PPFIBP1: variants seen among roughly 807,000 people sequenced by gnomAD.
PPFIBP1 encodes PPFIB scaffold protein 1.
A neutral mutation model predicts 137.8 loss-of-function variants in PPFIBP1; 112 were observed. That is an observed-to-expected ratio of 0.81 (90% CI 0.70 to 0.95). The LOEUF (loss-of-function observed/expected upper bound fraction) is 0.95. PPFIBP1 is among the 40% of genes least tolerant of loss of function. The pLI, the probability that PPFIBP1 is intolerant of heterozygous loss-of-function variation, is 0.00. For synonymous variants in PPFIBP1, 378 were observed against 417.3 expected, an observed-to-expected ratio of 0.91 and a Z score of 1.15; for missense variants, 1,083 against 1,196.6, an observed-to-expected ratio of 0.91 and a Z score of 1.40.
In PPFIBP1 at chr12:27,688,466, T is replaced by A. The variant is rs370576962; in HGVS notation, c.2496+43T>A. The A allele has an allele frequency of 1.7e-5, 28 of 1,607,208 alleles. No homozygotes were observed. The African/African-American group carries it at 3.6e-4, about 21-fold the overall frequency. On this transcript the variant is annotated intron_variant, in intron 26 of 29. Coordinates refer to ENST00000228425, the MANE Select transcript of PPFIBP1 (RefSeq NM_003622.4). ...TTTAAAATTGACTTACTTTGCTTCC[T>A]TTAGTCTAGTCAGTAGGATATTATC...
intron 2 of PPFIBP1, among the ~76,000 whole-genome samples, chr12:27,621,448 G>A (rs1346530909): frequency 6.6e-6 from 1 of 152,186 alleles, no homozygotes; most frequent in Non-Finnish European, 1.5e-5. Flanking sequence ...TTACCCCTTA[G>A]TATTTGGCTC....
chr12:27,681,841 GCTT>G (rs1477468453), intron 22 of PPFIBP1, 145 bp downstream of exon 22: 2 of 862,008 alleles, frequency 2.3e-6, no homozygotes, highest in Non-Finnish European at 3.4e-6. Context: ...ATTGCTTCAT[GCTT>G]CTTTTTTCTG....
At chr12:27,541,483 G>C (rs1172525111) in intron 1 of PPFIBP1, among the ~76,000 whole-genome samples, 2 of 152,148 alleles carry the variant, frequency 1.3e-5, no homozygotes. Context: ...CATGTGTTGA[G>C]TCTGTGAGAA....
At chr12:27,593,305 CG>C in intron 2 of PPFIBP1, 1 of 358,354 alleles carries the variant, frequency 2.8e-6, no homozygotes, top group Non-Finnish European at 5.4e-6. Flanking sequence ...GGTATCACTT[CG>C]GGCCCCTTGG....
intron 2 of PPFIBP1, among the ~76,000 whole-genome samples, chr12:27,597,353 A>C (rs959644316): frequency 3.3e-5 from 5 of 152,060 alleles, no homozygotes; most frequent in Admixed American, 3.3e-4. Context: ...ACGGGGTTTC[A>C]CCATGTTGGT....
rs78718277 is a variant in PPFIBP1, at chr12:27,626,438, C to G, written c.-35-6924C>G. 2.0e-5 allele frequency among the ~76,000 whole-genome samples: 3 copies of G among 152,142 alleles called. No individual in the cohort carries two copies. The South Asian group carries it at 6.2e-4, about 31-fold the overall frequency. On this transcript the variant is annotated intron_variant, in intron 2 of 29. Transcript: ENST00000228425. ...TGTTGTCCCAAGGAGGAAAGACAGGCCTCAGTGTGTGTGAGTCTAGTGATT... is the reference window on the plus strand; with the variant it reads ...TGTTGTCCCAAGGAGGAAAGACAGGGCTCAGTGTGTGTGAGTCTAGTGATT...
intron 1 of PPFIBP1, among the ~76,000 whole-genome samples, chr12:27,552,290 G>T (rs1293176426): frequency 1.3e-5 from 2 of 152,196 alleles, no homozygotes; most frequent in African/African-American, 4.8e-5. Context: ...TTGGAATAGA[G>T]AAATTTATTG....
intron 7 of PPFIBP1, among the ~76,000 whole-genome samples, chr12:27,650,495 A>AG (rs2058813256): frequency 6.6e-6 from 1 of 152,184 alleles, no homozygotes; most frequent in Non-Finnish European, 1.5e-5. Context: ...TTTCACTAGT[A>AG]GTTATTATTT....
chr12:27,595,455 G>A (rs965702403), intron 2 of PPFIBP1, among the ~76,000 whole-genome samples: 3 of 152,146 alleles, frequency 2.0e-5, no homozygotes, highest in Non-Finnish European at 4.4e-5. Context: ...GAGACTGTTG[G>A]TTACCATGGC....
chr12:27,692,486 T>G, intron 28 of PPFIBP1, 105 bp from the exon 29 acceptor site: 1 of 1,012,812 alleles, frequency 9.9e-7, no homozygotes. Context: ...TCTTACCCCA[T>G]TCAGTGCTAT....
At chr12:27,618,734 C>G (rs1405154897) in intron 2 of PPFIBP1, among the ~76,000 whole-genome samples, 1 of 152,240 alleles carries the variant, frequency 6.6e-6, no homozygotes. Context: ...CACATGTTCT[C>G]AGGATCTCCT....
At chr12:27,649,944 T>G (rs1242087909) in intron 6 of PPFIBP1, 66 bp from the exon 7 acceptor site, 42 of 1,438,922 alleles carry the variant, frequency 2.9e-5, no homozygotes, top group Non-Finnish European at 3.5e-5. Flanking sequence ...CGATCATAAA[T>G]GAGGTAAATT....
intron 1 of PPFIBP1, among the ~76,000 whole-genome samples, chr12:27,524,641 C>T (rs1943511838): frequency 1.3e-5 from 2 of 151,918 alleles, no homozygotes; most frequent in Admixed American, 1.3e-4. Context: ...CCTAGGCTCC[C>T]GGTAATACCT....
At chr12:27,603,082 A>G (rs117902081) in intron 2 of PPFIBP1, among the ~76,000 whole-genome samples, 2,490 of 152,306 alleles carry the variant, frequency 0.016, 34 homozygotes, top group Middle Eastern at 0.058. Flanking sequence ...ATGGTGCTTC[A>G]TGCAACACCA....
chr12:27,593,129 C>CAAAGA (rs1491355606), intron 2 of PPFIBP1, among the ~76,000 whole-genome samples: 1 of 100,944 alleles, frequency 9.9e-6, no homozygotes, highest in African/African-American at 4.0e-5. Flanking sequence ...AAGAATGTCT[C>CAAAGA]AAAAAAAAAA....
At chr12:27,664,223 A>G in intron 11 of PPFIBP1, 139 bp from the exon 12 acceptor site, 1 of 618,514 alleles carries the variant, frequency 1.6e-6, no homozygotes, top group Non-Finnish European at 2.9e-6. Flanking sequence ...ACATCTGCTT[A>G]TTCTTTTTTT....
chr12:27,626,150 G>A (rs1260475574), intron 2 of PPFIBP1, among the ~76,000 whole-genome samples: 1 of 152,054 alleles, frequency 6.6e-6, no homozygotes, highest in East Asian at 1.9e-4. Context: ...CTAATAGATT[G>A]GGGAGGAAAA....
At chr12:27,560,975 T>C (rs1362720881) in intron 1 of PPFIBP1, among the ~76,000 whole-genome samples, 1 of 152,220 alleles carries the variant, frequency 6.6e-6, no homozygotes, top group African/African-American at 2.4e-5. Flanking sequence ...GGAATATTTT[T>C]CCTCTAACCT....
chr12:27,556,976 C>T (rs2048751097), intron 1 of PPFIBP1, among the ~76,000 whole-genome samples: 1 of 151,466 alleles, frequency 6.6e-6, no homozygotes, highest in South Asian at 2.1e-4. Flanking sequence ...ACCTCAAAAT[C>T]TTGAAATAGG....
Sources: gnomAD v4.1 joint callset for allele counts (sites outside exome capture counted in the v4.1 genomes callset) on GRCh38, gnomAD v4.1.1 for gene constraint, MANE v1.5 for transcripts, NCBI Gene and HGNC (gene_info 2026-07-23, HGNC 2026-07-21) for gene names.